Variants in SGCZ observed in about 807,000 individuals in gnomAD.
SGCZ encodes zeta-sarcoglycan.
In SGCZ, 40 loss-of-function variants were observed where a neutral mutation model predicts 41.3. The ratio of observed to expected loss-of-function variants is 0.97; its 90% confidence interval spans 0.75 to 1.26. The LOEUF (loss-of-function observed/expected upper bound fraction) is 1.26. SGCZ is among the 50% of genes most tolerant of loss of function. The pLI is 0.00. For missense variants in SGCZ, 552 were observed against 369.8 expected, an observed-to-expected ratio of 1.49 and a Z score of -4.04; for synonymous variants, 206 against 137.5, an observed-to-expected ratio of 1.50 and a Z score of -3.49.
At chr8:14,178,891 C>T (rs1319229900) in intron 4 of SGCZ, among the ~76,000 whole-genome samples, 3 of 152,000 alleles carry the variant, frequency 2.0e-5, no homozygotes, top group Non-Finnish European at 4.4e-5. Flanking sequence ...AGGTCATTTC[C>T]AATGTAAAAA....
intron 1 of SGCZ, among the ~76,000 whole-genome samples, chr8:14,918,997 C>G (rs962437254): frequency 1.3e-5 from 2 of 152,216 alleles, no homozygotes; most frequent in African/African-American, 4.8e-5. Flanking sequence ...GGTGCCAGCT[C>G]TGTGACCTTG....
chr8:14,708,281 C>A (rs1298409154), intron 1 of SGCZ, among the ~76,000 whole-genome samples: 1 of 151,752 alleles, frequency 6.6e-6, no homozygotes, highest in African/African-American at 2.4e-5. Context: ...TGCAGTTGTG[C>A]CTTTTTCATA....
At chr8:14,497,194 A>G (rs983482940) in intron 2 of SGCZ, among the ~76,000 whole-genome samples, 24 of 152,150 alleles carry the variant, frequency 1.6e-4, no homozygotes, top group African/African-American at 5.6e-4. Context: ...TTAAAAACAG[A>G]GGTTTATCTT....
intron 1 of SGCZ, among the ~76,000 whole-genome samples, chr8:14,825,280 G>A (rs1802261948): frequency 6.6e-6 from 1 of 152,096 alleles, no homozygotes; most frequent in Non-Finnish European, 1.5e-5. Context: ...CTAATTACCT[G>A]TTCCTATGTG....
At chr8:14,407,755 G>A (rs1436531385) in intron 2 of SGCZ, among the ~76,000 whole-genome samples, 1 of 152,016 alleles carries the variant, frequency 6.6e-6, no homozygotes, top group East Asian at 1.9e-4. Context: ...AGTTTCAGCT[G>A]GTGCATTTTT....
intron 3 of SGCZ, among the ~76,000 whole-genome samples, chr8:14,293,928 T>C (rs1023986730): frequency 6.6e-6 from 1 of 151,792 alleles, no homozygotes; most frequent in Non-Finnish European, 1.5e-5. Context: ...TCATCAATTT[T>C]AGTGGTATCA....
In SGCZ at chr8:14,473,233, A is replaced by C. The variant is rs544908810; in HGVS notation, c.234+81499T>G. 2.0e-5 allele frequency among the ~76,000 whole-genome samples: 3 copies of C among 152,332 alleles called. No individual in the cohort carries two copies. The South Asian group carries it at 6.2e-4, about 32-fold the overall frequency. ...CTCTTTATGTATTAGAGAAACAGAT[A>C]AAATCATATTTTACTAAGGTAAAAT... On this transcript the variant is annotated intron_variant, in intron 2 of 7. Coordinates refer to ENST00000382080, the MANE Select transcript of SGCZ (RefSeq NM_139167.4).
chr8:14,969,970 C>A (rs74416791), intron 1 of SGCZ, among the ~76,000 whole-genome samples: 6,367 of 152,140 alleles, frequency 0.042, 264 homozygotes, highest in African/African-American at 0.099. Flanking sequence ...CTTTTACCTC[C>A]CCTAGTGTAT....
chr8:14,886,030 T>TATATACAC (rs1554517469), intron 1 of SGCZ, among the ~76,000 whole-genome samples: 1 of 98,944 alleles, frequency 1.0e-5, no homozygotes, highest in Non-Finnish European at 2.1e-5. Flanking sequence ...TATATATATA[T>TATATACAC]ATATAAAATT....
chr8:15,216,901 G>T (rs1415898764), intron 1 of SGCZ, among the ~76,000 whole-genome samples: 1 of 151,954 alleles, frequency 6.6e-6, no homozygotes, highest in East Asian at 1.9e-4. Context: ...GAGATTTTTG[G>T]GTATCGTTGC....
intron 2 of SGCZ, among the ~76,000 whole-genome samples, chr8:14,541,260 C>G (rs1454768249): frequency 6.6e-6 from 1 of 151,934 alleles, no homozygotes; most frequent in Non-Finnish European, 1.5e-5. Context: ...GTTTTAAGCT[C>G]TGCATGCATT....
intron 1 of SGCZ, among the ~76,000 whole-genome samples, chr8:14,709,749 T>A (rs1210350504): frequency 2.0e-5 from 3 of 152,022 alleles, no homozygotes; most frequent in Non-Finnish European, 4.4e-5. Flanking sequence ...GCTAGAACCA[T>A]CCATTCTGGT....
At chr8:14,927,888 C>A (rs376805466) in intron 1 of SGCZ, among the ~76,000 whole-genome samples, 2 of 152,202 alleles carry the variant, frequency 1.3e-5, no homozygotes, top group East Asian at 3.9e-4. Flanking sequence ...GGGAGAAAGA[C>A]GCCATGGAAT....
chr8:14,695,304 G>C (rs1808924086), intron 1 of SGCZ, among the ~76,000 whole-genome samples: 1 of 151,906 alleles, frequency 6.6e-6, no homozygotes, highest in African/African-American at 2.4e-5. Context: ...AAGAAAAGTA[G>C]AAAATAAACT....
intron 1 of SGCZ, among the ~76,000 whole-genome samples, chr8:14,967,807 G>A (rs1801169146): frequency 6.6e-6 from 1 of 152,064 alleles, no homozygotes; most frequent in Non-Finnish European, 1.5e-5. Context: ...AGGAAAACTT[G>A]GAGTGAAATG....
intron 1 of SGCZ, among the ~76,000 whole-genome samples, chr8:14,921,534 C>A (rs1799587936): frequency 6.6e-6 from 1 of 150,896 alleles, no homozygotes; most frequent in South Asian, 2.1e-4. Context: ...TTATTTAAAT[C>A]CCCATTTAAA....
chr8:14,869,023 G>A (rs1804042961), intron 1 of SGCZ, among the ~76,000 whole-genome samples: 1 of 152,058 alleles, frequency 6.6e-6, no homozygotes, highest in African/African-American at 2.4e-5. Flanking sequence ...AAGAGGAGCT[G>A]GTACCATTCC....
intron 1 of SGCZ, among the ~76,000 whole-genome samples, chr8:14,710,276 A>C (rs1284037624): frequency 2.7e-5 from 4 of 149,954 alleles, no homozygotes; most frequent in Non-Finnish European, 5.9e-5. Flanking sequence ...AGGCTGAGGC[A>C]GGGGAATGGA....
intron 1 of SGCZ, among the ~76,000 whole-genome samples, chr8:14,851,180 T>G (rs540116909): frequency 6.6e-6 from 1 of 151,786 alleles, no homozygotes; most frequent in Admixed American, 6.6e-5. Context: ...CCATCCTGGC[T>G]AACATAGTGA....
Sources: allele counts gnomAD v4.1 joint callset (sites outside exome capture counted in the v4.1 genomes callset), GRCh38; gene constraint gnomAD v4.1.1; transcripts MANE v1.5; gene names NCBI Gene and HGNC (gene_info 2026-07-23, HGNC 2026-07-21).